CSMD2: variants seen among roughly 807,000 people sequenced by gnomAD.
CSMD2 encodes CUB and sushi domain-containing protein 2.
A neutral mutation model predicts 398.5 loss-of-function variants in CSMD2; 130 were observed. The observed-to-expected ratio is 0.33, with a 90% CI of 0.28 to 0.38. The LOEUF is 0.38. Among genes scored for constraint, CSMD2 ranks in the 10% least tolerant of loss-of-function variants. The pLI is 1.00. For missense variants in CSMD2, 3,829 were observed against 4,764.9 expected, an observed-to-expected ratio of 0.80 and a Z score of 5.78; for synonymous variants, 1,828 against 1,908.5, an observed-to-expected ratio of 0.96 and a Z score of 1.10.
At position 33,583,815 on chromosome 1, in the gene CSMD2, T is replaced by C. The variant is rs1638889825; in HGVS notation, c.7067A>G (p.Asn2356Ser). Residue 2356 changes from asparagine to serine, a missense_variant, in exon 47 of 71, where the codon AAT becomes AGT. By Grantham distance (46) the Asn-to-Ser change is conservative. This residue lies in a region of CSMD2 where 723 missense variants were observed against 758.6 expected (regional missense o/e 0.95). Coordinates refer to ENST00000373381, the MANE Select transcript of CSMD2 (RefSeq NM_001281956.2). Reference sequence around the variant, plus strand: ...GCCTGTGGAGTCTGTCAGAAGCTCATTTGTTGGACAGTGCACTTGGAGAAA... The same window carrying C: ...GCCTGTGGAGTCTGTCAGAAGCTCACTTGTTGGACAGTGCACTTGGAGAAA... The part of the protein sequence containing the change: ...PPICEVHCPT[N>S]ELLTDSTGVI... 6.2e-7 allele frequency: 1 copy of C among 1,613,924 alleles called. No homozygotes were observed. Among genetic ancestry groups the C allele is most frequent in the Admixed American group, 1.7e-5 (1 of 60,006 alleles).
rs1026309498 is a variant in CSMD2 at position 33,567,794 on chromosome 1, C to G, written c.8179G>C (p.Val2727Leu). The G allele has an allele frequency of 1.9e-6, 3 of 1,611,262 alleles. No homozygotes were observed. The African/African-American group carries it at 4.0e-5, about 22-fold the overall frequency. The change falls in exon 53 of 71, where the codon GTA becomes CTA. Residue 2727 changes from valine to leucine, a missense_variant. Val to Leu is a conservative substitution (Grantham distance 32). Around this residue, in one of 5 missense-constraint regions of CSMD2, gnomAD observed 723 missense variants for 758.6 expected, o/e 0.95. Transcript: ENST00000373381. The part of the protein sequence containing the change: ...HSIFYKLLFD[V>L]LSSPSLTKAG... ...TTGGTGAGGGATGGGGAAGAGAGTA[C>G]ATCGAAGAGGAGCTTATAGAAAATG...
At chr1:33,846,795 A>G (rs1638279138) in intron 6 of CSMD2, 89 bp downstream of exon 6, 10 of 737,384 alleles carry the variant, frequency 1.4e-5, no homozygotes, top group Non-Finnish European at 1.1e-5. Context: ...CTGAAGCCAC[A>G]CCGGACCCAG....
chr1:33,664,295 T>G (rs1644238161), intron 25 of CSMD2, among the ~76,000 whole-genome samples: 2 of 152,186 alleles, frequency 1.3e-5, no homozygotes, highest in Admixed American at 6.5e-5. Flanking sequence ...TGAGACATAT[T>G]TTATGTAGTT....
At chr1:33,657,682 G>C (rs950143826) in intron 27 of CSMD2, among the ~76,000 whole-genome samples, 9 of 152,202 alleles carry the variant, frequency 5.9e-5, no homozygotes, top group African/African-American at 1.7e-4. Flanking sequence ...GAGAGAAAGG[G>C]ACAGACCTGT....
chr1:34,020,804 C>T (rs921356675), intron 3 of CSMD2, among the ~76,000 whole-genome samples: 2 of 152,042 alleles, frequency 1.3e-5, no homozygotes, highest in South Asian at 4.2e-4. Context: ...CTATAAAGCC[C>T]CCACCCCTGC....
intron 56 of CSMD2, among the ~76,000 whole-genome samples, chr1:33,547,363 A>G (rs539222569): frequency 6.6e-6 from 1 of 152,348 alleles, no homozygotes; most frequent in African/African-American, 2.4e-5. Flanking sequence ...ATGAGGAAAG[A>G]GGAGAACAAT....
At chr1:33,801,397 T>G (rs1655589893) in intron 10 of CSMD2, among the ~76,000 whole-genome samples, 1 of 152,116 alleles carries the variant, frequency 6.6e-6, no homozygotes, top group Non-Finnish European at 1.5e-5. Flanking sequence ...TGTCTACATC[T>G]TTGTTTTTCC....
intron 32 of CSMD2, among the ~76,000 whole-genome samples, chr1:33,628,668 CAAAAA>C (rs35461345): frequency 1.2e-5 from 1 of 83,984 alleles, no homozygotes; most frequent in Admixed American, 1.3e-4. Context: ...GACTCTGTCT[CAAAAA>C]AAAAAAAAAA....
At chr1:34,158,324 AC>A (rs1640994438) in intron 1 of CSMD2, among the ~76,000 whole-genome samples, 1 of 151,920 alleles carries the variant, frequency 6.6e-6, no homozygotes. Flanking sequence ...TTGCAGGTTC[AC>A]CCCGATGTTC....
intron 3 of CSMD2, among the ~76,000 whole-genome samples, chr1:33,986,938 G>C (rs1297820704): frequency 2.6e-5 from 4 of 152,178 alleles, no homozygotes; most frequent in African/African-American, 7.2e-5. Flanking sequence ...CTTCTCGTGT[G>C]TGTGTGTAAG....
chr1:33,923,373 G>C (rs1421282453), intron 4 of CSMD2, among the ~76,000 whole-genome samples: 1 of 152,124 alleles, frequency 6.6e-6, no homozygotes, highest in African/African-American at 2.4e-5. Flanking sequence ...CTCTGGTCAT[G>C]TGAAGTGCCT....
intron 53 of CSMD2, among the ~76,000 whole-genome samples, chr1:33,561,827 C>T (rs181059778): frequency 3.3e-5 from 5 of 152,252 alleles, no homozygotes; most frequent in African/African-American, 7.2e-5. Context: ...CATCTGTAAA[C>T]CCCTGAAATT....
At chr1:34,098,089 AATG>A (rs1162154934) in intron 1 of CSMD2, among the ~76,000 whole-genome samples, 2 of 89,836 alleles carry the variant, frequency 2.2e-5, no homozygotes, top group Non-Finnish European at 4.3e-5. Flanking sequence ...AGCCATAAAA[AATG>A]ATGAGTTCAT....
rs1020737245 is a variant in CSMD2 at position 33,635,168 on chromosome 1, G to T, written c.5086+46C>A. 7 of 1,186,652 alleles carry T rather than the reference G, an allele frequency of 5.9e-6. No homozygotes were observed. The highest frequency in any genetic ancestry group is 8.8e-6 in the Non-Finnish European group (7 of 799,668). 73.5% of individuals were successfully genotyped at this position (1,186,652 alleles called of 1,614,324 possible). ...AGGAATTGCTCATTTTGGAATGAGG[G>T]TGAGGAGTCAGAAAACATATGAACA... On this transcript the variant is annotated intron_variant, in intron 31 of 70. Coordinates refer to ENST00000373381, the MANE Select transcript of CSMD2 (RefSeq NM_001281956.2). This position sits in a 1 kb window ranked among gnomAD's most constrained non-coding sequence, Gnocchi z 5.0.
chr1:33,918,818 C>A (rs1570501501), intron 4 of CSMD2, among the ~76,000 whole-genome samples: 1 of 152,114 alleles, frequency 6.6e-6, no homozygotes, highest in African/African-American at 2.4e-5. Flanking sequence ...CAGCCACCTG[C>A]ATAACTTTGG....
chr1:33,716,822 T>C (rs1341558779), intron 19 of CSMD2, among the ~76,000 whole-genome samples: 2 of 152,226 alleles, frequency 1.3e-5, no homozygotes, highest in East Asian at 1.9e-4. Flanking sequence ...CATTCATTAA[T>C]TCATCCAACA....
chr1:33,668,880 G>T (rs1264480934), intron 25 of CSMD2, among the ~76,000 whole-genome samples: 2 of 152,200 alleles, frequency 1.3e-5, no homozygotes, highest in Non-Finnish European at 2.9e-5. Flanking sequence ...CTCTGTGCTT[G>T]CCCTGGAGGA....
chr1:33,544,293 AT>A (rs1656661620), intron 57 of CSMD2, among the ~76,000 whole-genome samples: 1 of 100,678 alleles, frequency 9.9e-6, no homozygotes, highest in Admixed American at 9.8e-5. Context: ...TTTTTTTTGT[AT>A]TTTTAGTAGA....
At chr1:33,715,027 G>A (rs1052904782) in intron 20 of CSMD2, among the ~76,000 whole-genome samples, 4 of 152,158 alleles carry the variant, frequency 2.6e-5, no homozygotes, top group Non-Finnish European at 5.9e-5. Flanking sequence ...GAAGCACGGG[G>A]AGGCCAGGAC....
Sources: allele counts gnomAD v4.1 joint callset (sites outside exome capture counted in the v4.1 genomes callset), GRCh38; gene constraint gnomAD v4.1.1; regional missense constraint gnomAD v4.1.1; non-coding constraint Gnocchi (gnomAD v3.1); transcripts MANE v1.5; gene names NCBI Gene and HGNC (gene_info 2026-07-23, HGNC 2026-07-21).